Variants in ZNF195 observed in about 807,000 individuals in gnomAD.
ZNF195 encodes zinc finger protein 195, also known as hypoxia-regulated factor-1.
Under a neutral mutation model 19.5 loss-of-function variants are expected in ZNF195, and 11 were observed. That is an observed-to-expected ratio of 0.57 (90% CI 0.36 to 0.94). The LOEUF (loss-of-function observed/expected upper bound fraction) is 0.94, where lower values mean the gene tolerates loss of function less well. Among genes scored for constraint, ZNF195 ranks in the 40% least tolerant of loss-of-function variants. ZNF195 has a pLI of 0.01. For missense variants in ZNF195, 582 were observed against 709.0 expected, an observed-to-expected ratio of 0.82 and a Z score of 2.03; for synonymous variants, 214 against 248.1, an observed-to-expected ratio of 0.86 and a Z score of 1.29.
At chr11:3,372,773 C>A (rs2133725627) in intron 1 of ZNF195, among the ~76,000 whole-genome samples, 1 of 152,318 alleles carries the variant, frequency 6.6e-6, no homozygotes, top group South Asian at 2.1e-4. Context: ...ACTCTGTAGC[C>A]CAGGCTGGAG....
At chr11:3,373,486 C>A in intron 1 of ZNF195, 2 of 993,230 alleles carry the variant, frequency 2.0e-6, no homozygotes, top group Non-Finnish European at 1.6e-6. Flanking sequence ...GGAGAAACAC[C>A]ACAAGTAGAG....
At chr11:3,376,313 A>G (rs888607981) in intron 1 of ZNF195, among the ~76,000 whole-genome samples, 2 of 151,390 alleles carry the variant, frequency 1.3e-5, no homozygotes, top group East Asian at 3.9e-4. Flanking sequence ...ATACACTAAC[A>G]CTAACGATAG....
chr11:3,362,088 G>A, intron 3 of ZNF195, 199 bp from the exon 4 acceptor site: 2 of 421,172 alleles, frequency 4.7e-6, no homozygotes, highest in African/African-American at 2.0e-5. Flanking sequence ...AGCAAGAAGG[G>A]AATTGGATGA....
intron 1 of ZNF195, among the ~76,000 whole-genome samples, chr11:3,374,365 C>T (rs953939363): frequency 1.3e-5 from 2 of 152,200 alleles, no homozygotes; most frequent in Admixed American, 6.5e-5. Context: ...AGCACAGTCC[C>T]TTACACCCAA....
At chr11:3,373,475 TG>T in intron 1 of ZNF195, 4 of 912,756 alleles carry the variant, frequency 4.4e-6, no homozygotes, top group Non-Finnish European at 7.0e-6. Flanking sequence ...AAACTTACTA[TG>T]GAGAAACACC....
intron 3 of ZNF195, among the ~76,000 whole-genome samples, chr11:3,365,803 C>G (rs1252352677): frequency 1.3e-5 from 2 of 152,036 alleles, no homozygotes; most frequent in African/African-American, 2.4e-5. Flanking sequence ...AGAAATAAAC[C>G]CTTGTGGATA....
chr11:3,378,544 T>C (rs1849585835), intron 1 of ZNF195, among the ~76,000 whole-genome samples: 1 of 152,218 alleles, frequency 6.6e-6, no homozygotes, highest in Admixed American at 6.5e-5. Flanking sequence ...ACCGAACTAA[T>C]GAATGAATGT....
rs755527265 is a variant in ZNF195, at chr11:3,362,649, T to A, written c.227-760A>T. The A allele has an allele frequency of 9.4e-6, 5 of 534,312 alleles. No homozygotes were observed. The South Asian group carries it at 1.3e-4, about 14-fold the overall frequency. The allele number at this position is 534,312 out of a possible 1,614,324, so 33.1% of individuals were successfully genotyped here. A position where few individuals can be genotyped will look rare whatever the true frequency, so the allele number is the denominator to read the frequency against. ...ATTTAAAAAGAGTCAAAGCTTATTA[T>A]ACAAAGTACAAGACACAAAAAGGAA... On this transcript the variant is annotated intron_variant, in intron 3 of 5. Coordinates refer to ENST00000399602, the MANE Select transcript of ZNF195 (RefSeq NM_001130520.3).
In ZNF195 at chr11:3,360,149, A is replaced by G; in HGVS notation, c.859T>C (p.Phe287Leu). ...CGKTFIQCSHFTEPENIDTGE... is the reference protein window; with the variant it reads ...CGKTFIQCSHLTEPENIDTGE... ...GTGTCAATGTTCTCAGGTTCAGTAAAGTGTGAGCACTGGATAAAGGTTTTG... is the reference window on the plus strand; with the variant it reads ...GTGTCAATGTTCTCAGGTTCAGTAAGGTGTGAGCACTGGATAAAGGTTTTG... Residue 287 changes from phenylalanine (F) to leucine (L), a missense_variant, in exon 6 of 6, where the codon TTT (phenylalanine) becomes CTT (leucine). Around this residue, in one of 3 missense-constraint regions of ZNF195, gnomAD observed 407 missense variants for 530.5 expected, o/e 0.77. Transcript: ENST00000399602. The G allele has an allele frequency of 6.2e-7, 1 of 1,614,010 alleles. No individual in the cohort carries two copies. The highest frequency in any genetic ancestry group is 1.3e-5 in the African/African-American group (1 of 75,048).
At position 3,371,648 on chromosome 11, in the gene ZNF195, C is replaced by T; in HGVS notation, c.59G>A (p.Cys20Tyr). The change falls in exon 2 of 6, where the codon TGC becomes TAC. Residue 20 changes from cysteine (C) to tyrosine (Y), a missense_variant. Physicochemically the swap from Cys to Tyr is radical, Grantham distance 194 (BLOSUM62 -2). This residue lies in a region of ZNF195 where 46 missense variants were observed against 66.5 expected (regional missense o/e 0.69). Coordinates refer to ENST00000399602, the MANE Select transcript of ZNF195 (RefSeq NM_001130520.3). ...AIEFSLEEWK[C>Y]LDLAQQNLYR... is the part of the protein sequence containing the mutation. Reference sequence around the variant, plus strand: ...CAAATTCTGCTGAGCGAGGTCCAGGCATTTCCACTCCTCCAGGGAGAATTC... The same window carrying T: ...CAAATTCTGCTGAGCGAGGTCCAGGTATTTCCACTCCTCCAGGGAGAATTC... The T allele has an allele frequency of 6.2e-7, 1 of 1,613,906 alleles. No homozygotes were observed. Among genetic ancestry groups the T allele is most frequent in the South Asian group, 1.1e-5 (1 of 91,054 alleles).
At chr11:3,372,218 G>C (rs1849245428) in intron 1 of ZNF195, among the ~76,000 whole-genome samples, 1 of 152,168 alleles carries the variant, frequency 6.6e-6, no homozygotes, top group South Asian at 2.1e-4. Flanking sequence ...ACCATAAAGA[G>C]AGATGAGATT....
chr11:3,360,512 C>T lies in ZNF195; in HGVS notation c.496G>A (p.Ala166Thr). Residue 166 changes from alanine to threonine, a missense_variant, in exon 6 of 6, where the codon GCA becomes ACA. Physicochemically the swap from Ala to Thr is moderately conservative, Grantham distance 58 (BLOSUM62 0). Transcript: ENST00000399602. ...CCTCTCAGTATTCTTTTTGGGAATG[C>T]ATCTTGTATGCCCTGCTCTGGCAGA... ...DLLPEQGIQD[A>T]FPKRILRGYG... 6.2e-7 allele frequency: 1 copy of T among 1,604,308 alleles called. No homozygotes were observed. The highest frequency in any genetic ancestry group is 8.5e-7 in the Non-Finnish European group (1 of 1,178,494).
intron 3 of ZNF195, among the ~76,000 whole-genome samples, chr11:3,364,837 A>G (rs138300535): frequency 3.9e-4 from 59 of 152,372 alleles, no homozygotes; most frequent in African/African-American, 1.4e-3. Flanking sequence ...AAATTATTTT[A>G]AATATAAATT....
Position 3,361,747 on chromosome 11 carries a change from G to GA in ZNF195, c.368dup (p.Thr124HisfsTer58). The stretch of plus-strand genomic sequence containing the variant: ...TACATGCTCTTAGGAGATTACCAGT[G>GA]AATTTGTCCACAGAAACATTGAGGC... On this transcript the variant is annotated frameshift_variant, in exon 4 of 6. Transcript: ENST00000399602. LOFTEE classifies it high-confidence loss of function. 7.7e-7 allele frequency: 1 copy of GA among 1,300,816 alleles called. No individual in the cohort carries two copies. The highest frequency in any genetic ancestry group is 1.2e-5 in the South Asian group (1 of 80,888). The allele number at this position is 1,300,816 out of a possible 1,614,324, so 80.6% of individuals were successfully genotyped here.
At chr11:3,361,188 A>G (rs1214556906) in intron 4 of ZNF195, among the ~76,000 whole-genome samples, 1 of 152,194 alleles carries the variant, frequency 6.6e-6, no homozygotes, top group Non-Finnish European at 1.5e-5. Context: ...TCCACACAAG[A>G]CACATCCCAG....
chr11:3,369,406 A>G (rs1259673098), intron 3 of ZNF195: 1 of 417,920 alleles, frequency 2.4e-6, no homozygotes, highest in Admixed American at 2.5e-5. Flanking sequence ...TGAAGGGAAT[A>G]AAAGCAGCAT....
Position 3,371,698 on chromosome 11 carries a change from C to G in ZNF195, c.9G>C (p.Leu3=), listed in dbSNP as rs1849220208. 1.2e-6 allele frequency: 2 copies of G among 1,600,646 alleles called. No homozygotes were observed. The highest frequency in any genetic ancestry group is 4.5e-5 in the East Asian group (2 of 44,600). ...CTATGGCCACATCCCTGAACGTCAA[C>G]AGAGTCTGAAGAAGAAACAACAACA... The part of the protein sequence containing the change: MT[L]LTFRDVAIEF... The change falls in exon 2 of 6, where the codon CTG becomes CTC. Residue 3 remains leucine (L), a synonymous_variant. Transcript: ENST00000399602.
At chr11:3,371,485 T>C (rs187751078) in intron 2 of ZNF195, 92 bp downstream of exon 2, 2 of 1,538,638 alleles carry the variant, frequency 1.3e-6, no homozygotes, top group Non-Finnish European at 1.8e-6. Flanking sequence ...AACTCATTCA[T>C]GCAACGCAGA....
chr11:3,370,969 A>T lies in ZNF195; in HGVS notation c.226+6T>A, dbSNP rs1202425195. On this transcript the variant is annotated splice_donor_region_variant and intron_variant, in intron 3 of 5. Transcript: ENST00000399602. ...TGGGTTACCTGCTTCGTTCATTCCC[A>T]CCCACCTGGATGTCCGTCTGCTGCC... 6.2e-7 allele frequency: 1 copy of T among 1,613,530 alleles called. No homozygotes were observed. Among genetic ancestry groups the T allele is most frequent in the Non-Finnish European group, 8.5e-7 (1 of 1,179,740 alleles).
Sources: gnomAD v4.1 joint callset for allele counts (sites outside exome capture counted in the v4.1 genomes callset) on GRCh38, gnomAD v4.1.1 for gene constraint, gnomAD v4.1.1 regional missense constraint, MANE v1.5 for transcripts, NCBI Gene and HGNC (gene_info 2026-07-23, HGNC 2026-07-21) for gene names.